COL7A1: variants seen among roughly 807,000 people sequenced by gnomAD.
The protein encoded by COL7A1 is collagen type VII alpha 1 chain.
COL7A1 carries 296 observed loss-of-function variants against 456.2 expected under a neutral mutation model. The observed-to-expected ratio is 0.65, with a 90% CI of 0.59 to 0.71. The LOEUF (loss-of-function observed/expected upper bound fraction) is 0.71, where lower values mean the gene tolerates loss of function less well. Ranked by LOEUF, COL7A1 falls within the 30% of genes least tolerant of loss-of-function variation. The pLI is 0.00. For missense variants in COL7A1, 3,441 were observed against 4,017.2 expected, an observed-to-expected ratio of 0.86 and a Z score of 3.88; for synonymous variants, 1,464 against 1,525.9, an observed-to-expected ratio of 0.96 and a Z score of 0.95.
rs2044595228 is a variant in COL7A1, at chr3:48,579,733, G to C, written c.5154+52C>G. 6.2e-7 allele frequency: 1 copy of C among 1,613,914 alleles called. No individual in the cohort carries two copies. The highest frequency in any genetic ancestry group is 1.1e-5 in the South Asian group (1 of 91,086). On this transcript the variant is annotated intron_variant, in intron 58 of 118. Transcript: ENST00000681320. This position sits in a 1 kb window ranked among gnomAD's most constrained non-coding sequence, Gnocchi z 4.4. ...CCAAGCCATGCCCAAGGTAGAACCT[G>C]CTGGGAGGGGCACTGGGGTCTTTCT...
Position 48,585,406 on chromosome 3 carries a change from C to A in COL7A1, c.3894+151G>T. ...CACTGGCCCTTCTATTTCAGAGTGT[C>A]CCCCAAAGTCTCTGTGGTGGTTTAT... On this transcript the variant is annotated intron_variant, in intron 32 of 118. Coordinates refer to ENST00000681320, the MANE Select transcript of COL7A1 (RefSeq NM_000094.4). This position sits in a 1 kb window ranked among gnomAD's most constrained non-coding sequence, Gnocchi z 4.5. 1.1e-6 allele frequency: 1 copy of A among 935,198 alleles called. No homozygotes were observed. The highest frequency in any genetic ancestry group is 1.7e-6 in the Non-Finnish European group (1 of 592,656). The allele number at this position is 935,198 out of a possible 1,614,324, so 57.9% of individuals were successfully genotyped here. A position where few individuals can be genotyped will look rare whatever the true frequency, so the allele number is the denominator to read the frequency against.
chr3:48,569,333 C>T lies in COL7A1; in HGVS notation c.7686+42G>A, dbSNP rs1323617185. The T allele has an allele frequency of 6.2e-7, 1 of 1,609,914 alleles. No individual in the cohort carries two copies. Among genetic ancestry groups the T allele is most frequent in the Admixed American group, 1.7e-5 (1 of 59,994 alleles). ...CACAGATGCTGTGGAACCACCACAG[C>T]CACAGGACCCCACAGAGAGTACACC... On this transcript the variant is annotated intron_variant, in intron 103 of 118. Transcript: ENST00000681320. The surrounding 1 kb of genome is among the most constrained non-coding windows in gnomAD (Gnocchi z 4.9).
Position 48,578,361 on chromosome 3 carries a change from T to C in COL7A1, c.5492A>G (p.Lys1831Arg), listed in dbSNP as rs141176276. Reference sequence around the variant, plus strand: ...GCCAGGTTTGCCATCCTCGCCTGGCTTTCCCTGTGGGAACAGATCACTGGT... The same window carrying C: ...GCCAGGTTTGCCATCCTCGCCTGGCCTTCCCTGTGGGAACAGATCACTGGT... ...GPSGPPGLPG[K>R]PGEDGKPGLN... The change falls in exon 65 of 119, where the codon AAG becomes AGG. Residue 1831 changes from lysine (K) to arginine (R), a missense_variant. Physicochemically the swap from Lys to Arg is conservative, Grantham distance 26. Around this residue, in one of 3 missense-constraint regions of COL7A1, gnomAD observed 2,084 missense variants for 2,501.3 expected, o/e 0.83. Transcript: ENST00000681320. The surrounding 1 kb of genome is among the most constrained non-coding windows in gnomAD (Gnocchi z 4.7). 6.2e-5 allele frequency: 100 copies of C among 1,613,296 alleles called. No individual in the cohort carries two copies. The African/African-American group carries it at 6.9e-4, about 11-fold the overall frequency.
In COL7A1 at chr3:48,591,400, A is replaced by C; in HGVS notation, c.1636+64T>G. ...TGTGGAAGGAGAGGGCTGGAGGTAC[A>C]CTCAGACCCCTCAGGCTGGAACTTC... On this transcript the variant is annotated intron_variant, in intron 13 of 118. Transcript: ENST00000681320. The surrounding 1 kb of genome is among the most constrained non-coding windows in gnomAD (Gnocchi z 7.0). 1.2e-6 allele frequency: 2 copies of C among 1,601,596 alleles called. No homozygotes were observed.
Position 48,583,805 on chromosome 3 carries a change from G to A in COL7A1, c.4279-25C>T. 2 of 1,613,756 alleles carry A rather than the reference G, an allele frequency of 1.2e-6. No individual in the cohort carries two copies. The highest frequency in any genetic ancestry group is 1.3e-5 in the African/African-American group (1 of 75,010). ...CCTAGGAAGAAGTGAGTAAAAATAT[G>A]AGCCAAGAACTATGAAGCCCAGCAC... On this transcript the variant is annotated intron_variant, in intron 39 of 118. Transcript: ENST00000681320. This position sits in a 1 kb window ranked among gnomAD's most constrained non-coding sequence, Gnocchi z 5.1.
chr3:48,580,903 T>C lies in COL7A1; in HGVS notation c.4959A>G (p.Lys1653=), dbSNP rs1287500997. The C allele has an allele frequency of 6.2e-7, 1 of 1,614,088 alleles. No individual in the cohort carries two copies. Among genetic ancestry groups the C allele is most frequent in the South Asian group, 1.1e-5 (1 of 91,076 alleles). The change falls in exon 54 of 119, where the codon AAA becomes AAG. Residue 1653 remains lysine (K), a synonymous_variant. Coordinates refer to ENST00000681320, the MANE Select transcript of COL7A1 (RefSeq NM_000094.4). This position sits in a 1 kb window ranked among gnomAD's most constrained non-coding sequence, Gnocchi z 4.5. ...TCACCCGAAGGCCACGCTCGCCTGC[T>C]TTTCCAGGCAAACCCGGGTCACCCT... ...GPPGDPGLPG[K]AGERGLRGAP...
Position 48,570,842 on chromosome 3 carries a change from G to A in COL7A1, c.7272+19C>T, listed in dbSNP as rs1241209928. On this transcript the variant is annotated intron_variant, in intron 95 of 118. Coordinates refer to ENST00000681320, the MANE Select transcript of COL7A1 (RefSeq NM_000094.4). The surrounding 1 kb of genome is among the most constrained non-coding windows in gnomAD (Gnocchi z 5.5). ...CCATGGATTCACCATGCCCCTACAT[G>A]CTGTTCCCAGCCCCTCACCCGCTCT... 2 of 1,598,432 alleles carry A rather than the reference G, an allele frequency of 1.3e-6. No individual in the cohort carries two copies. The highest frequency in any genetic ancestry group is 2.3e-5 in the East Asian group (1 of 44,410).
Position 48,587,627 on chromosome 3 carries a change from T to C in COL7A1, c.2858-73A>G. 1.2e-6 allele frequency: 2 copies of C among 1,610,788 alleles called. No individual in the cohort carries two copies. The highest frequency in any genetic ancestry group is 1.7e-6 in the Non-Finnish European group (2 of 1,178,102). ...CCCAGAAGGGAGAGATCTGAGATCC[T>C]GGGTCCGGTTTGTCTTATTGAAGCA... On this transcript the variant is annotated intron_variant, in intron 22 of 118. Coordinates refer to ENST00000681320, the MANE Select transcript of COL7A1 (RefSeq NM_000094.4). This position sits in a 1 kb window ranked among gnomAD's most constrained non-coding sequence, Gnocchi z 6.1.
At position 48,569,654 on chromosome 3, in the gene COL7A1, G is replaced by T. The variant is rs113340899; in HGVS notation, c.7558-6C>A. ...AGGATCACAGCTGAGTCTCCCTGAG[G>T]GGGCAGGCAGGAATCAGAGGAGTCG... On this transcript the variant is annotated splice_region_variant and splice_polypyrimidine_tract_variant and intron_variant, in intron 101 of 118. Transcript: ENST00000681320. The surrounding 1 kb of genome is among the most constrained non-coding windows in gnomAD (Gnocchi z 4.9). The T allele has an allele frequency of 4.3e-5, 69 of 1,613,938 alleles. 1 individual carries two copies. In the African/African-American group the frequency reaches 4.8e-4, roughly 11 times the overall value.
At position 48,581,813 on chromosome 3, in the gene COL7A1, A is replaced by C. The variant is rs2854399; in HGVS notation, c.4669-54T>G. 2.5e-6 allele frequency: 4 copies of C among 1,613,488 alleles called. No homozygotes were observed. The highest frequency in any genetic ancestry group is 3.4e-6 in the Non-Finnish European group (4 of 1,179,582). On this transcript the variant is annotated intron_variant, in intron 48 of 118. Coordinates refer to ENST00000681320, the MANE Select transcript of COL7A1 (RefSeq NM_000094.4). The surrounding 1 kb of genome is among the most constrained non-coding windows in gnomAD (Gnocchi z 5.8). ...GTCCCAGGCTCCAGTTAACCCCCTGACCCAGCAAGTCCTGTGACCCCCCAA... is the reference window on the plus strand; with the variant it reads ...GTCCCAGGCTCCAGTTAACCCCCTGCCCCAGCAAGTCCTGTGACCCCCCAA...
chr3:48,574,235 G>A lies in COL7A1; in HGVS notation c.6501+27C>T. On this transcript the variant is annotated intron_variant, in intron 80 of 118. Coordinates refer to ENST00000681320, the MANE Select transcript of COL7A1 (RefSeq NM_000094.4). This position sits in a 1 kb window ranked among gnomAD's most constrained non-coding sequence, Gnocchi z 5.0. ...CACCTAGCGGAGGGTCCGGAGCCTG[G>A]GGCCAGGTGCTTCAGCCACCACTCA... 6.2e-7 allele frequency: 1 copy of A among 1,613,698 alleles called. No individual in the cohort carries two copies. The highest frequency in any genetic ancestry group is 8.5e-7 in the Non-Finnish European group (1 of 1,179,904).
At position 48,574,526 on chromosome 3, in the gene COL7A1, G is replaced by A. The variant is rs766298049; in HGVS notation, c.6418C>T (p.Arg2140Trp). Residue 2140 changes from arginine (R) to tryptophan (W), a missense_variant, in exon 79 of 119, where the codon CGG becomes TGG. This residue lies in a region of COL7A1 where 2,084 missense variants were observed against 2,501.3 expected (regional missense o/e 0.83). Coordinates refer to ENST00000681320, the MANE Select transcript of COL7A1 (RefSeq NM_000094.4). The surrounding 1 kb of genome is among the most constrained non-coding windows in gnomAD (Gnocchi z 5.0). The part of the protein sequence containing the change: ...DRGVPGIKGD[R>W]GEPGPRGQDG... ...TGACCCCTCGGTCCAGGCTCTCCCC[G>A]GTCTCCTTTGATGCCTGGCACACCC... The A allele has an allele frequency of 4.8e-5, 77 of 1,613,852 alleles. No individual in the cohort carries two copies. The highest frequency in any genetic ancestry group is 7.7e-5 in the South Asian group (7 of 91,088).
rs1165115674 is a variant in COL7A1, at chr3:48,565,376, C to T, written c.8527+34G>A. 1 of 1,581,558 alleles carries T rather than the reference C, an allele frequency of 6.3e-7. No homozygotes were observed. Among genetic ancestry groups the T allele is most frequent in the Non-Finnish European group, 8.6e-7 (1 of 1,163,200 alleles). On this transcript the variant is annotated intron_variant, in intron 116 of 118. Coordinates refer to ENST00000681320, the MANE Select transcript of COL7A1 (RefSeq NM_000094.4). This position sits in a 1 kb window ranked among gnomAD's most constrained non-coding sequence, Gnocchi z 4.5. ...CACCCATGTGCGTGTCTCGGCCCCACCCATAGCTGCCCCACGGGTTCAGCT... is the reference window on the plus strand; with the variant it reads ...CACCCATGTGCGTGTCTCGGCCCCATCCATAGCTGCCCCACGGGTTCAGCT...
Position 48,572,852 on chromosome 3 carries a change from G to A in COL7A1, c.6831+10C>T. 6.2e-7 allele frequency: 1 copy of A among 1,613,994 alleles called. No homozygotes were observed. ...ACCACACCCTAGCGAGCTGCCCCCA[G>A]AACACATACTGGCACACCAGGGCTC... is the stretch of plus-strand genomic sequence containing the variant. On this transcript the variant is annotated intron_variant, in intron 87 of 118. Coordinates refer to ENST00000681320, the MANE Select transcript of COL7A1 (RefSeq NM_000094.4). This position sits in a 1 kb window ranked among gnomAD's most constrained non-coding sequence, Gnocchi z 4.6.
chr3:48,583,707 A>C lies in COL7A1; in HGVS notation c.4341+11T>G. The C allele has an allele frequency of 6.2e-7, 1 of 1,614,018 alleles. No individual in the cohort carries two copies. The highest frequency in any genetic ancestry group is 1.1e-5 in the South Asian group (1 of 91,088). ...CCCAGAACTGGGACATCATCAAGTCAGCCTTCCTACTTTTTCTCCTTTCTT... is the reference window on the plus strand; with the variant it reads ...CCCAGAACTGGGACATCATCAAGTCCGCCTTCCTACTTTTTCTCCTTTCTT... On this transcript the variant is annotated intron_variant, in intron 40 of 118. Transcript: ENST00000681320. The surrounding 1 kb of genome is among the most constrained non-coding windows in gnomAD (Gnocchi z 5.1).
In COL7A1 at chr3:48,594,947, G is replaced by A. The variant is rs1338880244; in HGVS notation, c.85+128C>T. ...GAGGGTTCGGGGAGTCCCAGAATTA[G>A]GAGGAATCCGCGGGGCGTCGTGGAG... On this transcript the variant is annotated intron_variant, in intron 2 of 118. Coordinates refer to ENST00000681320, the MANE Select transcript of COL7A1 (RefSeq NM_000094.4). This position sits in a 1 kb window ranked among gnomAD's most constrained non-coding sequence, Gnocchi z 5.5. 2 of 798,776 alleles carry A rather than the reference G, an allele frequency of 2.5e-6. No individual in the cohort carries two copies. Among genetic ancestry groups the A allele is most frequent in the African/African-American group, 3.4e-5 (2 of 58,790 alleles). 49.5% of individuals were successfully genotyped at this position (798,776 alleles called of 1,614,324 possible). A position where few individuals can be genotyped will look rare whatever the true frequency, so the allele number is the denominator to read the frequency against.
intron 18 of COL7A1, 29 bp from the exon 19 acceptor site, chr3:48,589,024 T>C (rs1456743640): frequency 6.2e-7 from 1 of 1,612,982 alleles, no homozygotes; most frequent in East Asian, 2.2e-5. Context: ...TAAGGGGTCC[T>C]GGTAGAGAAC....
At position 48,578,960 on chromosome 3, in the gene COL7A1, G is replaced by A; in HGVS notation, c.5389-6C>T. On this transcript the variant is annotated splice_region_variant and splice_polypyrimidine_tract_variant and intron_variant, in intron 62 of 118. Transcript: ENST00000681320. This position sits in a 1 kb window ranked among gnomAD's most constrained non-coding sequence, Gnocchi z 4.7. ...CCAGCTTTGCCTGCAGCACCCTGAG[G>A]AGAGACTCAAAGTCAGTTCATCATG... The A allele has an allele frequency of 1.2e-6, 2 of 1,614,008 alleles. No individual in the cohort carries two copies. The highest frequency in any genetic ancestry group is 1.7e-6 in the Non-Finnish European group (2 of 1,180,000).
chr3:48,568,599 C>T lies in COL7A1; in HGVS notation c.7759-65G>A. ...GTCCCCAACACTGGCCCATCCGCTGCATGTGTGGCCACTCAGATGCTCAGC... is the reference window on the plus strand; with the variant it reads ...GTCCCCAACACTGGCCCATCCGCTGTATGTGTGGCCACTCAGATGCTCAGC... On this transcript the variant is annotated intron_variant, in intron 104 of 118. Transcript: ENST00000681320. This position sits in a 1 kb window ranked among gnomAD's most constrained non-coding sequence, Gnocchi z 5.2. 6.4e-7 allele frequency: 1 copy of T among 1,554,906 alleles called. No homozygotes were observed. The highest frequency in any genetic ancestry group is 8.8e-7 in the Non-Finnish European group (1 of 1,141,898).
Sources: allele counts gnomAD v4.1 joint callset, GRCh38; gene constraint gnomAD v4.1.1; regional missense constraint gnomAD v4.1.1; non-coding constraint Gnocchi (gnomAD v3.1); transcripts MANE v1.5; gene names NCBI Gene and HGNC (gene_info 2026-07-23, HGNC 2026-07-21).